The following STON2 variants were observed in gnomAD, a reference collection of about 807,000 sequenced individuals.
STON2 encodes the protein stonin-2.
In STON2, 29 loss-of-function variants were observed where a neutral mutation model predicts 65.7. That is an observed-to-expected ratio of 0.44 (90% CI 0.33 to 0.60). The LOEUF is 0.60. STON2 is among the 20% of genes least tolerant of loss of function. The pLI, the probability that STON2 is intolerant of heterozygous loss-of-function variation, is 0.03. For missense variants in STON2, 1,054 were observed against 1,118.1 expected, an observed-to-expected ratio of 0.94 and a Z score of 0.82; for synonymous variants, 404 against 414.2, an observed-to-expected ratio of 0.98 and a Z score of 0.30.
At chr14:81,350,121 T>C (rs1301059176) in intron 4 of STON2, among the ~76,000 whole-genome samples, 4 of 152,044 alleles carry the variant, frequency 2.6e-5, no homozygotes, top group Admixed American at 6.6e-5. Flanking sequence ...TACAGTTAGA[T>C]AGAAGGAACA....
At chr14:81,412,250 A>G (rs1347748592) in intron 2 of STON2, among the ~76,000 whole-genome samples, 1 of 140,134 alleles carries the variant, frequency 7.1e-6, no homozygotes, top group Non-Finnish European at 1.5e-5. Flanking sequence ...AAGAGAATGG[A>G]AAGGGAAAGA....
Position 81,371,150 on chromosome 14 carries a change from AAGGGCATGTCCAGC to A in STON2, c.395_408del (p.Cys132PhefsTer3). ...GGGCATCTCCCCAGGGAGTCAAAGG[AAGGGCATGTCCAGC>A]AGGGCATGGTCAATGGTAGGGCTGG... On this transcript the variant is annotated frameshift_variant, in exon 4 of 8. Coordinates refer to ENST00000614646, the MANE Select transcript of STON2 (RefSeq NM_001394390.1). LOFTEE classifies it high-confidence loss of function. 1 of 1,614,132 alleles carries A rather than the reference AAGGGCATGTCCAGC, an allele frequency of 6.2e-7. No homozygotes were observed. The highest frequency in any genetic ancestry group is 8.5e-7 in the Non-Finnish European group (1 of 1,180,004).
chr14:81,371,265 T>C, intron 3 of STON2, 80 bp from the exon 4 acceptor site: 2 of 1,320,318 alleles, frequency 1.5e-6, no homozygotes, highest in Non-Finnish European at 2.1e-6. Context: ...CTTACTTTGA[T>C]GTTGCTCACA....
intron 5 of STON2, among the ~76,000 whole-genome samples, chr14:81,287,268 A>G (rs1239551660): frequency 1.3e-5 from 2 of 151,782 alleles, no homozygotes; most frequent in African/African-American, 4.9e-5. Context: ...GGACCTACTT[A>G]GTCATTACAA....
At chr14:81,371,685 A>AAAAAAAAG (rs1899003383) in intron 3 of STON2, among the ~76,000 whole-genome samples, 2 of 151,124 alleles carry the variant, frequency 1.3e-5, no homozygotes, top group Admixed American at 1.3e-4. Flanking sequence ...CTAAAAAAAA[A>AAAAAAAAG]AAAAAAGAAA....
At chr14:81,346,505 T>C (rs1406130145) in intron 4 of STON2, among the ~76,000 whole-genome samples, 1 of 152,202 alleles carries the variant, frequency 6.6e-6, no homozygotes, top group Admixed American at 6.5e-5. Context: ...TATAGCCACA[T>C]TTCATTACAG....
intron 2 of STON2, among the ~76,000 whole-genome samples, chr14:81,422,468 C>T (rs1461656898): frequency 2.6e-5 from 4 of 152,080 alleles, no homozygotes; most frequent in Admixed American, 6.5e-5. Flanking sequence ...TTATAAATTA[C>T]CCAGTCTTGG....
At chr14:81,336,512 G>A (rs1897377478) in intron 4 of STON2, among the ~76,000 whole-genome samples, 1 of 151,930 alleles carries the variant, frequency 6.6e-6, no homozygotes, top group Non-Finnish European at 1.5e-5. Context: ...TTAAGTGAAG[G>A]GCCAAAGTCA....
chr14:81,276,807 G>T, intron 6 of STON2, 94 bp downstream of exon 6: 1 of 1,446,256 alleles, frequency 6.9e-7, no homozygotes, highest in Admixed American at 2.2e-5. Flanking sequence ...CCATCACACA[G>T]CAAAAACAAG....
At chr14:81,322,165 G>A (rs1338361143) in intron 5 of STON2, among the ~76,000 whole-genome samples, 1 of 151,996 alleles carries the variant, frequency 6.6e-6, no homozygotes, top group Non-Finnish European at 1.5e-5. Context: ...ACTACATGGA[G>A]GAAATTTGCC....
intron 3 of STON2, among the ~76,000 whole-genome samples, chr14:81,382,613 G>A (rs1370909297): frequency 1.3e-5 from 2 of 152,128 alleles, no homozygotes; most frequent in Non-Finnish European, 2.9e-5. Flanking sequence ...GGCCTCCGGC[G>A]ATGACAATAT....
upstream of STON2, among the ~76,000 whole-genome samples, chr14:81,403,857 C>T (rs78097206): frequency 0.028 from 4,267 of 152,290 alleles, 212 homozygotes; most frequent in African/African-American, 0.097. Flanking sequence ...TAAAGTACCA[C>T]ACTTCCCACT....
chr14:81,364,610 G>GTATACA (rs1040272088), intron 4 of STON2, among the ~76,000 whole-genome samples: 10 of 152,018 alleles, frequency 6.6e-5, no homozygotes, highest in South Asian at 2.1e-4. Context: ...GTATGTGTGT[G>GTATACA]TATACATATA....
rs142350052 is a variant in STON2, at chr14:81,297,015, T to C, written c.743-18276A>G. Among the ~76,000 whole-genome samples the C allele has an allele frequency of 6.7e-3, 1,026 of 152,324 alleles. 10 individuals are homozygous for C. The highest frequency in any genetic ancestry group is 0.027 in the Middle Eastern group (8 of 294). On this transcript the variant is annotated intron_variant, in intron 5 of 7. Transcript: ENST00000614646. The stretch of plus-strand genomic sequence containing the variant: ...ATGAGTTTTTCTTTAAAGTATTTAA[T>C]TTGGGGTTGGATTCTCTAACCCTAC...
intron 5 of STON2, among the ~76,000 whole-genome samples, chr14:81,319,561 T>A (rs987197910): frequency 2.6e-5 from 4 of 152,232 alleles, no homozygotes; most frequent in Non-Finnish European, 5.9e-5. Context: ...AAGTCAGTAA[T>A]GAACTCTGAA....
intron 3 of STON2, among the ~76,000 whole-genome samples, chr14:81,388,507 T>C (rs1566938802): frequency 6.6e-6 from 1 of 152,140 alleles, no homozygotes; most frequent in Non-Finnish European, 1.5e-5. Context: ...CTCCCTGGCT[T>C]CTCTAAGGTT....
At position 81,262,142 on chromosome 14, in the gene STON2, C is replaced by T; in HGVS notation, c.*6272G>A. 1 of 985,214 alleles carries T rather than the reference C, an allele frequency of 1.0e-6. No individual in the cohort carries two copies. Among genetic ancestry groups the T allele is most frequent in the Non-Finnish European group, 1.2e-6 (1 of 829,756 alleles). 61.0% of individuals were successfully genotyped at this position (985,214 alleles called of 1,614,324 possible). ...CTTGAAGAAACAATTAATCCAACTT[C>T]CTCACTTTTTTGTCTCAGGAAACTG... is the stretch of plus-strand genomic sequence containing the variant. On this transcript the variant is annotated 3_prime_UTR_variant, in exon 8 of 8. Coordinates refer to ENST00000614646, the MANE Select transcript of STON2 (RefSeq NM_001394390.1).
At chr14:81,412,903 CG>C (rs1395981931) in intron 2 of STON2, 1 of 599,882 alleles carries the variant, frequency 1.7e-6, no homozygotes, top group Non-Finnish European at 2.8e-6. Flanking sequence ...CAGCTCCAGC[CG>C]GGCGATGCTT....
intron 5 of STON2, among the ~76,000 whole-genome samples, chr14:81,278,996 A>G (rs1487461972): frequency 6.6e-6 from 1 of 152,224 alleles, no homozygotes; most frequent in Non-Finnish European, 1.5e-5. Context: ...TGGTAGTACC[A>G]AGGTCTCTTG....
Sources: allele counts gnomAD v4.1 joint callset (sites outside exome capture counted in the v4.1 genomes callset), GRCh38; gene constraint gnomAD v4.1.1; transcripts MANE v1.5; gene names NCBI Gene and HGNC (gene_info 2026-07-23, HGNC 2026-07-21).